NAA35: variants seen among roughly 807,000 people sequenced by gnomAD.
The protein encoded by NAA35 is N-alpha-acetyltransferase 35, NatC auxiliary subunit.
Under a neutral mutation model 101.7 loss-of-function variants are expected in NAA35, and 18 were observed. The observed-to-expected ratio is 0.18, with a 90% CI of 0.12 to 0.26. The LOEUF (loss-of-function observed/expected upper bound fraction) is 0.26, where lower values mean the gene tolerates loss of function less well. NAA35 is among the 10% of genes least tolerant of loss of function. The pLI is 1.00. For synonymous variants in NAA35, 267 were observed against 273.1 expected, an observed-to-expected ratio of 0.98 and a Z score of 0.22; for missense variants, 601 against 886.8, an observed-to-expected ratio of 0.68 and a Z score of 4.09.
rs150732933 is a variant in NAA35 at position 85,963,778 on chromosome 9, C to CA, written c.516+1599dup. On this transcript the variant is annotated intron_variant, in intron 6 of 22. Coordinates refer to ENST00000361671, the MANE Select transcript of NAA35 (RefSeq NM_024635.4). ...TAAAAGGCCATCAAAATCAATGGGG[C>CA]AGAGAGAGGATTCCTTGAACAACAG... Among the ~76,000 whole-genome samples the CA allele has an allele frequency of 3.0e-3, 449 of 152,176 alleles. 10 individuals carry two copies. The East Asian group carries it at 0.04, about 13-fold the overall frequency.
At chr9:85,950,862 C>A (rs921995623) in intron 2 of NAA35, among the ~76,000 whole-genome samples, 4 of 152,052 alleles carry the variant, frequency 2.6e-5, no homozygotes, top group Non-Finnish European at 4.4e-5. Flanking sequence ...ATGGGCCGGG[C>A]ACGGTGGCTC....
chr9:86,010,962 G>A (rs974919343), intron 15 of NAA35, among the ~76,000 whole-genome samples: 10 of 151,358 alleles, frequency 6.6e-5, no homozygotes, highest in Non-Finnish European at 1.2e-4. Context: ...AAAATTATTG[G>A]CTGGGCATGG....
intron 2 of NAA35, among the ~76,000 whole-genome samples, chr9:85,948,982 C>T (rs1347442510): frequency 6.6e-6 from 1 of 152,148 alleles, no homozygotes; most frequent in African/African-American, 2.4e-5. Flanking sequence ...GTCTCGAACT[C>T]ATGACCTCGG....
intron 13 of NAA35, among the ~76,000 whole-genome samples, chr9:86,004,294 G>A (rs11141178): frequency 0.091 from 13,870 of 151,858 alleles, 779 homozygotes; most frequent in Non-Finnish European, 0.13. Flanking sequence ...TGGTAGAGAC[G>A]GGGTTTCACC....
At chr9:85,975,294 C>T in intron 8 of NAA35, 137 bp downstream of exon 8, 1 of 796,888 alleles carries the variant, frequency 1.3e-6, no homozygotes, top group Non-Finnish European at 1.9e-6. Flanking sequence ...AATTTGAACA[C>T]TGCTAGAGGA....
At chr9:85,979,007 T>C (rs553139878) in intron 11 of NAA35, among the ~76,000 whole-genome samples, 1 of 152,308 alleles carries the variant, frequency 6.6e-6, no homozygotes, top group East Asian at 1.9e-4. Context: ...TAATAATGAA[T>C]CACCTTTTTA....
At chr9:85,966,467 A>C (rs1229257825) in intron 6 of NAA35, 1 of 285,482 alleles carries the variant, frequency 3.5e-6, no homozygotes, top group Non-Finnish European at 7.0e-6. Context: ...TTTATGAAGG[A>C]AGGTTATCGA....
intron 4 of NAA35, among the ~76,000 whole-genome samples, chr9:85,958,975 G>T (rs1829391347): frequency 6.6e-6 from 1 of 152,100 alleles, no homozygotes; most frequent in Admixed American, 6.5e-5. Flanking sequence ...TTGCCATAGA[G>T]TTTGATTTTA....
At chr9:85,959,325 G>A (rs1829408379) in intron 4 of NAA35, among the ~76,000 whole-genome samples, 1 of 149,246 alleles carries the variant, frequency 6.7e-6, no homozygotes, top group Non-Finnish European at 1.5e-5. Context: ...GCATTGAGCC[G>A]AGATCACGCC....
At chr9:85,964,081 T>C (rs1041818127) in intron 6 of NAA35, among the ~76,000 whole-genome samples, 3 of 151,910 alleles carry the variant, frequency 2.0e-5, no homozygotes, top group African/African-American at 7.2e-5. Flanking sequence ...AAATACTCTA[T>C]GTGTGTGTCA....
At chr9:85,952,006 A>T (rs1003579002) in intron 2 of NAA35, among the ~76,000 whole-genome samples, 3 of 152,144 alleles carry the variant, frequency 2.0e-5, no homozygotes, top group Admixed American at 1.3e-4. Context: ...AATATTAATA[A>T]GCACATTTGT....
chr9:85,946,111 T>G (rs2118252310), intron 2 of NAA35, among the ~76,000 whole-genome samples: 1 of 152,016 alleles, frequency 6.6e-6, no homozygotes, highest in Middle Eastern at 3.4e-3. Flanking sequence ...TAGGCTTGCT[T>G]TCTTAAAAAA....
At chr9:85,994,414 G>A (rs116664834) in intron 11 of NAA35, among the ~76,000 whole-genome samples, 2,131 of 152,210 alleles carry the variant, frequency 0.014, 48 homozygotes, top group African/African-American at 0.047. Flanking sequence ...TTGTCCTTTT[G>A]TGTCTGGCTT....
chr9:85,973,127 G>GT (rs1830064987), intron 6 of NAA35, among the ~76,000 whole-genome samples: 1 of 152,146 alleles, frequency 6.6e-6, no homozygotes, highest in East Asian at 1.9e-4. Flanking sequence ...TGTGGGAGCC[G>GT]TGAGAGGAGA....
intron 11 of NAA35, among the ~76,000 whole-genome samples, chr9:85,978,935 A>G (rs963074652): frequency 1.3e-5 from 2 of 152,198 alleles, no homozygotes; most frequent in African/African-American, 4.8e-5. Flanking sequence ...TTGTGAGGTT[A>G]GAAGCAAGAT....
At position 86,019,544 on chromosome 9, in the gene NAA35, A is replaced by G. The variant is rs553621048; in HGVS notation, c.2037+723A>G. Among the ~76,000 whole-genome samples, 3 of 152,364 alleles carry G rather than the reference A, an allele frequency of 2.0e-5. No homozygotes were observed. In the South Asian group the frequency reaches 6.2e-4, roughly 32 times the overall value. ...GTTATCACCGGAACAACCTTATTCC[A>G]CTTGACCATTTAAAATAAAGGCTAC... On this transcript the variant is annotated intron_variant, in intron 21 of 22. Transcript: ENST00000361671.
chr9:86,020,835 GA>G (rs1832504500), intron 21 of NAA35, 53 bp from the exon 22 acceptor site: 4 of 1,364,242 alleles, frequency 2.9e-6, no homozygotes, highest in Non-Finnish European at 4.1e-6. Flanking sequence ...AAAAGAAAAA[GA>G]GAAATTTTGA....
intron 6 of NAA35, among the ~76,000 whole-genome samples, chr9:85,967,926 C>T (rs1224798312): frequency 2.0e-5 from 3 of 152,094 alleles, no homozygotes; most frequent in African/African-American, 7.2e-5. Context: ...TGATTTCTTT[C>T]TTAACATCTT....
rs542536789 is a variant in NAA35, at chr9:85,993,264, C to T, written c.878-3135C>T. 1.3e-4 allele frequency among the ~76,000 whole-genome samples: 20 copies of T among 152,298 alleles called. No individual in the cohort carries two copies. The South Asian group carries it at 2.3e-3, about 17-fold the overall frequency. On this transcript the variant is annotated intron_variant, in intron 11 of 22. Transcript: ENST00000361671. The stretch of plus-strand genomic sequence containing the variant: ...CTAAGCTTACTGCAACCTTTGCCTG[C>T]CAGGTTCAAATGATTCTCCCACCTC...
Sources: allele counts gnomAD v4.1 joint callset (sites outside exome capture counted in the v4.1 genomes callset), GRCh38; gene constraint gnomAD v4.1.1; transcripts MANE v1.5; gene names NCBI Gene and HGNC (gene_info 2026-07-23, HGNC 2026-07-21).